Variants in OTOG observed in about 807,000 individuals in gnomAD.
OTOG encodes the protein otogelin.
Under a neutral mutation model 313.8 loss-of-function variants are expected in OTOG, and 296 were observed. That is an observed-to-expected ratio of 0.94 (90% CI 0.86 to 1.04). The LOEUF is 1.04. Among genes scored for constraint, OTOG ranks in the 50% least tolerant of loss-of-function variants. The pLI is 0.00. For synonymous variants in OTOG, 1,533 were observed against 1,554.9 expected, an observed-to-expected ratio of 0.99 and a Z score of 0.33; for missense variants, 3,948 against 3,840.1, an observed-to-expected ratio of 1.03 and a Z score of -0.74.
At chr11:17,613,140 A>G (rs1853604602) in intron 38 of OTOG, among the ~76,000 whole-genome samples, 1 of 152,040 alleles carries the variant, frequency 6.6e-6, no homozygotes, top group South Asian at 2.1e-4. Flanking sequence ...TCAGGTGGAA[A>G]GAGGTAGCTT....
intron 23 of OTOG, among the ~76,000 whole-genome samples, chr11:17,583,618 T>A (rs1322468690): frequency 6.6e-6 from 1 of 152,180 alleles, no homozygotes; most frequent in African/African-American, 2.4e-5. Flanking sequence ...TTGTGAAAAA[T>A]TAATTGACTG....
Position 17,561,721 on chromosome 11 carries a change from T to C in OTOG, c.1558T>C (p.Phe520Leu). The C allele has an allele frequency of 6.4e-7, 1 of 1,550,452 alleles. No homozygotes were observed. Among genetic ancestry groups the C allele is most frequent in the Non-Finnish European group, 8.7e-7 (1 of 1,146,932 alleles). ...FTTFDGRRYT[F>L]PATCQYILAK... is the part of the protein sequence containing the mutation. ...AACCTTTGATGGCCGCCGGTACACG[T>C]TCCCCGCCACATGTCAGTACATCCT... The change falls in exon 15 of 56, where the codon TTC becomes CTC. Residue 520 changes from phenylalanine to leucine, a missense_variant. Physicochemically the swap from Phe to Leu is conservative, Grantham distance 22 (BLOSUM62 0). Coordinates refer to ENST00000399397, the MANE Select transcript of OTOG (RefSeq NM_001292063.2).
At chr11:17,585,447 C>G (rs1337630317) in intron 23 of OTOG, among the ~76,000 whole-genome samples, 2 of 152,132 alleles carry the variant, frequency 1.3e-5, no homozygotes, top group Non-Finnish European at 2.9e-5. Context: ...TTGGTCTTTT[C>G]AAAGAACCAG....
rs1565118935 is a variant in OTOG at position 17,613,235 on chromosome 11, CTTTCTTTCTTTCTTTCTTTCTTTCTT to C, written c.6439-375_6439-350del. Among the ~76,000 whole-genome samples, 327 of 134,544 alleles carry C rather than the reference CTTTCTTTCTTTCTTTCTTTCTTTCTT, an allele frequency of 2.4e-3. 3 individuals carry two copies. The highest frequency in any genetic ancestry group is 0.012 in the South Asian group (43 of 3,674). The allele number at this position is 134,544 out of a possible 152,430, so 88.3% of individuals were successfully genotyped here. Reference sequence around the variant, plus strand: ...TCTTTCTTTCTTTCTTTCTTTCTTTCTTTCTTTCTTTCTTTCTTTCTTTCTTTCTTTCTCTCTCTGTCTGTCTTTCT... The same window carrying C: ...TCTTTCTTTCTTTCTTTCTTTCTTTCTCTTTCTCTCTCTGTCTGTCTTTCT... On this transcript the variant is annotated intron_variant, in intron 38 of 55. Coordinates refer to ENST00000399397, the MANE Select transcript of OTOG (RefSeq NM_001292063.2).
In OTOG at chr11:17,572,190, T is replaced by C; in HGVS notation, c.2066T>C (p.Val689Ala). The C allele has an allele frequency of 5.2e-6, 8 of 1,550,386 alleles. No individual in the cohort carries two copies. Among genetic ancestry groups the C allele is most frequent in the Non-Finnish European group, 7.0e-6 (8 of 1,146,882 alleles). ...VSGSPLDPCD[V>A]HLQAASYSVQ... ...GGCTCCCCTCTGGACCCCTGCGATGTGCACCTGCAAGCCGGTGAGTTGGTG... is the reference window on the plus strand; with the variant it reads ...GGCTCCCCTCTGGACCCCTGCGATGCGCACCTGCAAGCCGGTGAGTTGGTG... Residue 689 changes from valine to alanine, a missense_variant, in exon 18 of 56, where the codon GTG (valine) becomes GCG (alanine). Coordinates refer to ENST00000399397, the MANE Select transcript of OTOG (RefSeq NM_001292063.2).
chr11:17,628,857 T>C (rs971539792), intron 39 of OTOG, among the ~76,000 whole-genome samples: 2 of 152,268 alleles, frequency 1.3e-5, no homozygotes, highest in African/African-American at 4.8e-5. Flanking sequence ...TGTGTTTATT[T>C]GGGCATTAAG....
chr11:17,567,852 G>T (rs1852319758), intron 15 of OTOG, among the ~76,000 whole-genome samples: 2 of 152,108 alleles, frequency 1.3e-5, no homozygotes, highest in African/African-American at 2.4e-5. Flanking sequence ...CTTTTTGTGT[G>T]CCTTGGTTTT....
chr11:17,631,437 A>G (rs966497626), intron 40 of OTOG, among the ~76,000 whole-genome samples: 3 of 151,610 alleles, frequency 2.0e-5, no homozygotes, highest in Non-Finnish European at 4.4e-5. Context: ...ATATATATAT[A>G]TATGCATTTT....
In OTOG at chr11:17,642,219, A is replaced by T; in HGVS notation, c.8388A>T (p.Pro2796=). Residue 2796 remains proline, a synonymous_variant, in exon 53 of 56, where the codon CCA becomes CCT. Coordinates refer to ENST00000399397, the MANE Select transcript of OTOG (RefSeq NM_001292063.2). ...AVLVRSPISC[P]PLNETECAKV... ...TGGTCCGCTCTCCCATAAGCTGCCC[A>T]CCGCTCAATGAGACTGAGTGTGCCA... The T allele has an allele frequency of 6.5e-7, 1 of 1,550,048 alleles. No individual in the cohort carries two copies. The highest frequency in any genetic ancestry group is 1.4e-5 in the African/African-American group (1 of 73,132).
At chr11:17,559,815 G>A (rs1852140048) in intron 12 of OTOG, among the ~76,000 whole-genome samples, 153 bp downstream of exon 12, 2 of 150,038 alleles carry the variant, frequency 1.3e-5, no homozygotes, top group African/African-American at 4.9e-5. Flanking sequence ...AGGAAAGAAG[G>A]AAGGGAAGAA....
rs1353754880 is a variant in OTOG at position 17,553,200 on chromosome 11, G to A, written c.374G>A (p.Arg125His). The A allele has an allele frequency of 4.5e-6, 7 of 1,550,422 alleles. No homozygotes were observed. The South Asian group carries it at 4.8e-5, about 11-fold the overall frequency. The change falls in exon 5 of 56, where the codon CGC becomes CAC. Residue 125 changes from arginine (R) to histidine (H), a missense_variant. Physicochemically the swap from Arg to His is conservative, Grantham distance 29 (BLOSUM62 0). Transcript: ENST00000399397. ...AGACGCTTCAATGCCACTGGACCGCGCTGCCAGATGGGTGGGTCTGGGCTC... is the reference window on the plus strand; with the variant it reads ...AGACGCTTCAATGCCACTGGACCGCACTGCCAGATGGGTGGGTCTGGGCTC... The part of the protein sequence containing the change: ...DCRRFNATGP[R>H]CQMVYNAGPE...
At chr11:17,629,043 G>T (rs933280117) in intron 39 of OTOG, 90 bp from the exon 40 acceptor site, 1 of 1,273,934 alleles carries the variant, frequency 7.8e-7, no homozygotes. Context: ...TGGATGGATG[G>T]ATGGATGAAT....
chr11:17,559,882 AAGGGAGAG>A (rs1852143114), intron 12 of OTOG, among the ~76,000 whole-genome samples: 1 of 144,272 alleles, frequency 6.9e-6, no homozygotes, highest in Admixed American at 6.9e-5. Context: ...GGAAGGAAGG[AAGGGAGAG>A]AGGGAGGGAG....
chr11:17,571,310 G>T (rs1365595089), intron 17 of OTOG, among the ~76,000 whole-genome samples: 1 of 152,100 alleles, frequency 6.6e-6, no homozygotes, highest in African/African-American at 2.4e-5. Flanking sequence ...GTAACCTTTG[G>T]GTAGGAATAT....
At chr11:17,571,961 G>A (rs1332954863) in intron 17 of OTOG, 119 bp from the exon 18 acceptor site, 8 of 1,339,232 alleles carry the variant, frequency 6.0e-6, no homozygotes, top group Non-Finnish European at 8.2e-6. Context: ...GTATATGGAT[G>A]TGTAGATTAT....
At chr11:17,643,757 T>A (rs1848020089) in intron 54 of OTOG, among the ~76,000 whole-genome samples, 2 of 152,206 alleles carry the variant, frequency 1.3e-5, no homozygotes, top group South Asian at 2.1e-4. Context: ...CCAGAGGACA[T>A]TGGGGCATAG....
chr11:17,574,589 C>G, intron 19 of OTOG, 131 bp from the exon 20 acceptor site: 1 of 923,788 alleles, frequency 1.1e-6, no homozygotes, highest in South Asian at 1.8e-5. Context: ...TGACCTTGAC[C>G]TGCTGTGTGA....
chr11:17,585,627 TG>T (rs1852775257), intron 23 of OTOG, among the ~76,000 whole-genome samples: 1 of 152,216 alleles, frequency 6.6e-6, no homozygotes, highest in African/African-American at 2.4e-5. Flanking sequence ...CTGGATATGC[TG>T]GCCACTTCAG....
intron 20 of OTOG, 123 bp from the exon 21 acceptor site, chr11:17,576,433 A>T: frequency 1.3e-6 from 1 of 751,272 alleles, no homozygotes; most frequent in Admixed American, 2.0e-5. Context: ...GTCACTGTAG[A>T]TACCATTACT....
Sources: gnomAD v4.1 joint callset for allele counts (sites outside exome capture counted in the v4.1 genomes callset) on GRCh38, gnomAD v4.1.1 for gene constraint, MANE v1.5 for transcripts, NCBI Gene and HGNC (gene_info 2026-07-23, HGNC 2026-07-21) for gene names.